IGFL2: variants seen among roughly 807,000 people sequenced by gnomAD.
The protein encoded by IGFL2 is insulin growth factor-like family member 2.
Under a neutral mutation model 13.9 loss-of-function variants are expected in IGFL2, and 7 were observed. The observed-to-expected ratio is 0.51, with a 90% CI of 0.29 to 0.95. The LOEUF (loss-of-function observed/expected upper bound fraction) is 0.95, where lower values mean the gene tolerates loss of function less well. IGFL2 is among the 40% of genes least tolerant of loss of function. The probability of loss-of-function intolerance (pLI) is 0.08; values close to 1 mark genes in which losing one functional copy is unlikely to be tolerated. For synonymous variants in IGFL2, 55 were observed against 55.8 expected (o/e 0.99, Z 0.07); for missense variants, 138 against 147.8 (o/e 0.93, Z 0.34).
chr19:46,164,919 A>G (rs1184831649), downstream of IGFL2, among the ~76,000 whole-genome samples: 1 of 152,244 alleles, frequency 6.6e-6, no homozygotes, highest in African/African-American at 2.4e-5. Flanking sequence ...TCGTCTGGTC[A>G]GGTAAGACTA....
chr19:46,107,883 T>C, the IGFL2 span, among the ~76,000 whole-genome samples: 2,038 of 152,304 alleles, frequency 0.013, 52 homozygotes, highest in African/African-American at 0.046. Context: ...TGGGTTTTTA[T>C]ATTTGGTGAA....
the IGFL2 span, among the ~76,000 whole-genome samples, chr19:46,188,138 G>A: frequency 6.6e-6 from 1 of 152,224 alleles, no homozygotes; most frequent in East Asian, 1.9e-4. Flanking sequence ...AATAATTTAT[G>A]AGAGTCTCCA....
At chr19:46,165,999 C>G (rs534818708), downstream of IGFL2, among the ~76,000 whole-genome samples, 2 of 152,172 alleles carry the variant, frequency 1.3e-5, no homozygotes, top group Non-Finnish European at 2.9e-5. Context: ...AATGGCCTAG[C>G]ATGTGGATGC....
chr19:46,131,981 T>C, the IGFL2 span, among the ~76,000 whole-genome samples: 1 of 152,204 alleles, frequency 6.6e-6, no homozygotes, highest in Non-Finnish European at 1.5e-5. Flanking sequence ...GAGTTGTTTC[T>C]AAACAGAACT....
At chr19:46,199,027 C>A in the IGFL2 span, among the ~76,000 whole-genome samples, 1 of 152,206 alleles carries the variant, frequency 6.6e-6, no homozygotes, top group African/African-American at 2.4e-5. Flanking sequence ...CCAGCCCCAC[C>A]GAGGAACCCT....
At chr19:46,194,674 C>T in the IGFL2 span, among the ~76,000 whole-genome samples, 1 of 151,334 alleles carries the variant, frequency 6.6e-6, no homozygotes, top group Non-Finnish European at 1.5e-5. Context: ...ATGCAAAAAT[C>T]AGCCAGACGT....
the IGFL2 span, among the ~76,000 whole-genome samples, chr19:46,196,685 G>A: frequency 6.6e-6 from 1 of 152,172 alleles, no homozygotes; most frequent in Admixed American, 6.5e-5. Context: ...CCCTGGCCTT[G>A]CCCAGGACCC....
chr19:46,209,360 T>C, the IGFL2 span: 10,387 of 152,222 alleles, frequency 0.068, 597 homozygotes, highest in East Asian at 0.18. Flanking sequence ...CTGTGCCCTA[T>C]GGGGTCAGAT....
the IGFL2 span, among the ~76,000 whole-genome samples, chr19:46,105,332 G>C: frequency 3.3e-5 from 5 of 152,202 alleles, no homozygotes; most frequent in Non-Finnish European, 7.3e-5. Flanking sequence ...CTGAGAGGTA[G>C]TGGAGTGGGG....
the IGFL2 span, among the ~76,000 whole-genome samples, chr19:46,177,013 A>G: frequency 1.3e-5 from 2 of 152,152 alleles, no homozygotes; most frequent in South Asian, 4.1e-4. Flanking sequence ...ATGTGGTTCC[A>G]GATATCTTGA....
At chr19:46,125,110 C>T in the IGFL2 span, among the ~76,000 whole-genome samples, 71 of 152,264 alleles carry the variant, frequency 4.7e-4, no homozygotes, top group East Asian at 0.011. Flanking sequence ...TCCCCAAGCA[C>T]GATGTCTCTG....
chr19:46,079,882 A>G, the IGFL2 span, among the ~76,000 whole-genome samples: 1 of 152,146 alleles, frequency 6.6e-6, no homozygotes, highest in South Asian at 2.1e-4. Context: ...AGATCACTAC[A>G]ATGCTGCCCA....
At position 46,160,412 on chromosome 19, in the gene IGFL2, C is replaced by A. The variant is rs201174905; in HGVS notation, c.20-3C>A. 1 of 1,612,736 alleles carries A rather than the reference C, an allele frequency of 6.2e-7. No individual in the cohort carries two copies. Among genetic ancestry groups the A allele is most frequent in the East Asian group, 2.2e-5 (1 of 44,824 alleles). ...TCCTTAACCTCCTTTCTTTCTCTCC[C>A]AGCTCCTGCTTATGTGTCAGTCTGT... On this transcript the variant is annotated splice_polypyrimidine_tract_variant and splice_region_variant and intron_variant, in intron 1 of 3. Coordinates refer to ENST00000377693, the MANE Select transcript of IGFL2 (RefSeq NM_001135113.2).
At chr19:46,148,623 T>C (rs951165489) in intron 1 of IGFL2, among the ~76,000 whole-genome samples, 2 of 152,140 alleles carry the variant, frequency 1.3e-5, no homozygotes, top group Admixed American at 6.5e-5. Flanking sequence ...ATGATCATGA[T>C]CTGGTGACCC....
At chr19:46,122,974 A>C in the IGFL2 span, among the ~76,000 whole-genome samples, 1 of 150,906 alleles carries the variant, frequency 6.6e-6, no homozygotes, top group Non-Finnish European at 1.5e-5. Flanking sequence ...CCAGGGTAAA[A>C]AAAATGACAT....
At chr19:46,189,839 A>G in the IGFL2 span, 1 of 152,018 alleles carries the variant, frequency 6.6e-6, no homozygotes, top group Non-Finnish European at 1.5e-5. Flanking sequence ...TATATCTAGT[A>G]TAACTATTCT....
At chr19:46,167,811 A>C in the IGFL2 span, among the ~76,000 whole-genome samples, 2 of 152,134 alleles carry the variant, frequency 1.3e-5, no homozygotes, top group Admixed American at 1.3e-4. Flanking sequence ...TGCACACACA[A>C]AAGAAGAGGC....
chr19:46,121,395 A>G, the IGFL2 span, among the ~76,000 whole-genome samples: 16 of 22,438 alleles, frequency 7.1e-4, 1 homozygote, highest in African/African-American at 1.3e-3. Context: ...TCCTGTCTTG[A>G]AAAAAAAAAA....
the IGFL2 span, among the ~76,000 whole-genome samples, chr19:46,173,119 T>C: frequency 2.0e-5 from 3 of 152,246 alleles, no homozygotes; most frequent in Non-Finnish European, 2.9e-5. Context: ...TGGAAAATAG[T>C]ATTGTTGCTG....
Sources: allele counts gnomAD v4.1 joint callset (sites outside exome capture counted in the v4.1 genomes callset), GRCh38; gene constraint gnomAD v4.1.1; transcripts MANE v1.5; gene names NCBI Gene and HGNC (gene_info 2026-07-23, HGNC 2026-07-21).